Variants in TENM3 observed in about 807,000 individuals in gnomAD.
TENM3 encodes teneurin-3.
TENM3 carries 63 observed loss-of-function variants against 255.1 expected under a neutral mutation model. The observed-to-expected ratio is 0.25, with a 90% confidence interval of 0.20 to 0.30. The LOEUF (loss-of-function observed/expected upper bound fraction) is 0.30. Ranked by LOEUF, TENM3 falls within the 10% of genes least tolerant of loss-of-function variation. The pLI, the probability that TENM3 is intolerant of heterozygous loss-of-function variation, is 1.00. For missense variants in TENM3, 2,929 were observed against 3,461.1 expected (o/e 0.85, Z 3.86); for synonymous variants, 1,306 against 1,322.3 (o/e 0.99, Z 0.27).
the TENM3 span, among the ~76,000 whole-genome samples, chr4:181,888,938 G>A: frequency 1.9e-3 from 296 of 151,852 alleles, 6 homozygotes; most frequent in South Asian, 0.056. Flanking sequence ...CCCTCACTGG[G>A]GAGGGGGATC....
intron 4 of TENM3, among the ~76,000 whole-genome samples, chr4:182,623,391 C>T (rs1035621447): frequency 6.6e-6 from 1 of 151,706 alleles, no homozygotes; most frequent in African/African-American, 2.4e-5. Flanking sequence ...CAACCTCCAT[C>T]TCCTGGGTTC....
chr4:182,356,474 G>A (rs1765537407), intron 3 of TENM3, among the ~76,000 whole-genome samples: 1 of 152,160 alleles, frequency 6.6e-6, no homozygotes, highest in African/African-American at 2.4e-5. Context: ...AACTAAGGAA[G>A]GAGAGAGCGT....
At chr4:181,622,136 C>G in the TENM3 span, among the ~76,000 whole-genome samples, 1 of 152,132 alleles carries the variant, frequency 6.6e-6, no homozygotes, top group Non-Finnish European at 1.5e-5. Flanking sequence ...AGTGATTTCT[C>G]TGTATTAGTC....
chr4:182,032,395 G>A, the TENM3 span, among the ~76,000 whole-genome samples: 2 of 152,316 alleles, frequency 1.3e-5, no homozygotes, highest in Middle Eastern at 6.8e-3. Context: ...ATCTGGGGAT[G>A]AAGCCAACTT....
chr4:181,941,733 C>G, the TENM3 span, among the ~76,000 whole-genome samples: 1 of 152,048 alleles, frequency 6.6e-6, no homozygotes, highest in Admixed American at 6.6e-5. Flanking sequence ...CTGTGGGGTT[C>G]CCGAGGGTGA....
chr4:182,412,918 T>C (rs933978301), intron 3 of TENM3, among the ~76,000 whole-genome samples: 3 of 150,282 alleles, frequency 2.0e-5, no homozygotes, highest in African/African-American at 7.3e-5. Flanking sequence ...AAATACAGAA[T>C]ATATAATAAA....
chr4:181,857,363 T>G, the TENM3 span, among the ~76,000 whole-genome samples: 14 of 117,798 alleles, frequency 1.2e-4, no homozygotes, highest in East Asian at 2.6e-4. Flanking sequence ...AGGGGAGGGG[T>G]GGACCAGGGG....
chr4:182,235,658 C>T (rs1005572858), intron 1 of TENM3, among the ~76,000 whole-genome samples: 4 of 152,020 alleles, frequency 2.6e-5, no homozygotes, highest in African/African-American at 9.7e-5. Flanking sequence ...CTACTACACA[C>T]GACCACACGG....
At chr4:182,038,424 CCT>C in the TENM3 span, among the ~76,000 whole-genome samples, 1 of 152,110 alleles carries the variant, frequency 6.6e-6, no homozygotes, top group Non-Finnish European at 1.5e-5. Flanking sequence ...ATAACAAACC[CCT>C]GAGAAGGTAT....
intron 3 of TENM3, among the ~76,000 whole-genome samples, chr4:182,528,628 A>G (rs1739468437): frequency 6.6e-6 from 1 of 152,178 alleles, no homozygotes; most frequent in African/African-American, 2.4e-5. Flanking sequence ...TATTACGGTA[A>G]ATTATGCATT....
intron 4 of TENM3, among the ~76,000 whole-genome samples, chr4:182,619,915 C>T (rs528973943): frequency 4.6e-5 from 7 of 152,312 alleles, no homozygotes; most frequent in East Asian, 1.9e-4. Flanking sequence ...AAAGAAGCCG[C>T]CGCGGCTGCT....
chr4:182,622,051 A>G (rs1750326812), intron 4 of TENM3, among the ~76,000 whole-genome samples: 1 of 151,572 alleles, frequency 6.6e-6, no homozygotes, highest in Non-Finnish European at 1.5e-5. Flanking sequence ...TCAAAATTAC[A>G]TTTTCTTCTA....
At chr4:181,466,126 TG>T in the TENM3 span, among the ~76,000 whole-genome samples, 57,419 of 147,234 alleles carry the variant, frequency 0.39, 12,497 homozygotes, top group Non-Finnish European at 0.48. Flanking sequence ...TTTTTTGTTT[TG>T]TTTTTTTGAG....
chr4:182,345,242 G>A (rs779307803), intron 2 of TENM3, among the ~76,000 whole-genome samples: 1 of 152,148 alleles, frequency 6.6e-6, no homozygotes, highest in Non-Finnish European at 1.5e-5. Flanking sequence ...GCAGCCTGGA[G>A]GGTGCTAATA....
intron 6 of TENM3, among the ~76,000 whole-genome samples, chr4:182,666,778 A>G (rs1754720724): frequency 6.6e-6 from 1 of 151,944 alleles, no homozygotes; most frequent in Non-Finnish European, 1.5e-5. Flanking sequence ...GTGCACCTGT[A>G]GTCCCAGGCA....
intron 13 of TENM3, among the ~76,000 whole-genome samples, chr4:182,715,086 G>C (rs1759050014): frequency 6.6e-6 from 1 of 152,158 alleles, no homozygotes; most frequent in Admixed American, 6.5e-5. Context: ...GTTTCTCCAT[G>C]TTGGTCAGGC....
the TENM3 span, among the ~76,000 whole-genome samples, chr4:181,672,349 C>T: frequency 6.6e-6 from 1 of 152,148 alleles, no homozygotes; most frequent in Non-Finnish European, 1.5e-5. Context: ...ATATTTGGTA[C>T]TAATACTAGC....
the TENM3 span, among the ~76,000 whole-genome samples, chr4:181,888,584 A>G: frequency 1.6e-4 from 4 of 25,004 alleles, no homozygotes; most frequent in Admixed American, 6.4e-4. Context: ...ATATACATAT[A>G]TATATGCGTG....
chr4:182,202,800 A>C (rs1754280871), intron 1 of TENM3, among the ~76,000 whole-genome samples: 1 of 152,222 alleles, frequency 6.6e-6, no homozygotes, highest in African/African-American at 2.4e-5. Flanking sequence ...CAGGCGGCTC[A>C]TCCAGAGAAC....
Sources: allele counts gnomAD v4.1 joint callset (sites outside exome capture counted in the v4.1 genomes callset), GRCh38; gene constraint gnomAD v4.1.1; transcripts MANE v1.5; gene names NCBI Gene and HGNC (gene_info 2026-07-23, HGNC 2026-07-21).